The following OXNAD1 variants were observed in gnomAD, a reference collection of about 807,000 sequenced individuals.
OXNAD1 encodes oxidoreductase NAD-binding domain-containing protein 1.
A neutral mutation model predicts 32.9 loss-of-function variants in OXNAD1; 34 were observed. That is an observed-to-expected ratio of 1.03 (90% confidence interval 0.79 to 1.38). OXNAD1 has a LOEUF of 1.38. Ranked by LOEUF, OXNAD1 falls within the 40% of genes most tolerant of loss-of-function variation. The pLI is 0.00. For synonymous variants in OXNAD1, 134 were observed against 135.2 expected, an observed-to-expected ratio of 0.99 and a Z score of 0.06; for missense variants, 407 against 379.4, an observed-to-expected ratio of 1.07 and a Z score of -0.60.
chr3:16,283,367 C>G (rs1422418174), intron 4 of OXNAD1, among the ~76,000 whole-genome samples: 1 of 152,140 alleles, frequency 6.6e-6, no homozygotes, highest in Non-Finnish European at 1.5e-5. Context: ...TAGGGAGGGT[C>G]AAGCTAACCT....
chr3:16,293,124 C>G (rs1290949231), intron 5 of OXNAD1, among the ~76,000 whole-genome samples: 1 of 152,184 alleles, frequency 6.6e-6, no homozygotes, highest in East Asian at 1.9e-4. Context: ...GTATTGCCAT[C>G]TTAGCAATAT....
chr3:16,330,316 G>A (rs1277938199), intron 9 of OXNAD1, among the ~76,000 whole-genome samples: 2 of 152,182 alleles, frequency 1.3e-5, no homozygotes, highest in African/African-American at 4.8e-5. Flanking sequence ...GTGATTTTCC[G>A]TAAGCATCTA....
intron 9 of OXNAD1, among the ~76,000 whole-genome samples, chr3:16,333,570 A>G (rs1487889470): frequency 2.0e-5 from 3 of 152,220 alleles, no homozygotes; most frequent in Non-Finnish European, 1.5e-5. Context: ...ATAAAATGTT[A>G]TTATTTTAAT....
chr3:16,331,081 T>G (rs1210949455), intron 9 of OXNAD1, among the ~76,000 whole-genome samples: 3 of 152,236 alleles, frequency 2.0e-5, no homozygotes, highest in Non-Finnish European at 4.4e-5. Flanking sequence ...AGACCACTTC[T>G]GGGGTGTTCT....
intron 5 of OXNAD1, among the ~76,000 whole-genome samples, chr3:16,292,958 G>A (rs2066527688): frequency 6.6e-6 from 1 of 152,174 alleles, no homozygotes; most frequent in Non-Finnish European, 1.5e-5. Flanking sequence ...GGACCTGTGA[G>A]TCCTACAAAT....
At chr3:16,332,627 C>G (rs2070438616) in intron 9 of OXNAD1, among the ~76,000 whole-genome samples, 1 of 152,198 alleles carries the variant, frequency 6.6e-6, no homozygotes, top group East Asian at 1.9e-4. Flanking sequence ...AACCTCCCAT[C>G]CCATGGTGAT....
downstream of OXNAD1, among the ~76,000 whole-genome samples, chr3:16,309,956 A>AT (rs1196117165): frequency 6.6e-6 from 1 of 152,148 alleles, no homozygotes; most frequent in African/African-American, 2.4e-5. Context: ...GATTCTTGGG[A>AT]TGACTATTGT....
At chr3:16,275,347 A>T (rs1238436564) in intron 4 of OXNAD1, 1 of 152,512 alleles carries the variant, frequency 6.6e-6, no homozygotes, top group Non-Finnish European at 1.5e-5. Context: ...AAACAGGAGG[A>T]TCACTTGAGA....
At position 16,294,972 on chromosome 3, in the gene OXNAD1, C is replaced by T; in HGVS notation, c.407C>T (p.Pro136Leu). 4 of 1,612,750 alleles carry T rather than the reference C, an allele frequency of 2.5e-6. No individual in the cohort carries two copies. The highest frequency in any genetic ancestry group is 3.4e-6 in the Non-Finnish European group (4 of 1,179,362). Residue 136 changes from proline (P) to leucine (L), a missense_variant, in exon 6 of 9, where the codon CCT (proline) becomes CTT (leucine). Physicochemically the swap from Pro to Leu is moderately conservative, Grantham distance 98. Coordinates refer to ENST00000285083, the MANE Select transcript of OXNAD1 (RefSeq NM_138381.5). ...TTGGCAGTGAAATATACGAACCACC[C>T]TCCTGCCCTCTGGGTTCACAATACG... ...IELAVKYTNH[P>L]PALWVHNTCT...
In OXNAD1 at chr3:16,302,290, G is replaced by A. The variant is rs2067238026; in HGVS notation, c.676-350G>A. ...TTTGATGAAGAAAGCTTTCACTGGG[G>A]ATTGCTTTGCAGCTGCAGGAATGAA... On this transcript the variant is annotated intron_variant, in intron 7 of 8. Transcript: ENST00000285083. This position sits in a 1 kb window ranked among gnomAD's most constrained non-coding sequence, Gnocchi z 4.2. 6.6e-6 allele frequency among the ~76,000 whole-genome samples: 1 copy of A among 152,188 alleles called. No individual in the cohort carries two copies.
In OXNAD1 at chr3:16,287,272, T is replaced by G. The variant is rs1363953145; in HGVS notation, c.290+824T>G. Among the ~76,000 whole-genome samples the G allele has an allele frequency of 6.6e-6, 1 of 152,230 alleles. No homozygotes were observed. The highest frequency in any genetic ancestry group is 1.5e-5 in the Non-Finnish European group (1 of 68,032). On this transcript the variant is annotated intron_variant, in intron 5 of 8. Transcript: ENST00000285083. This position sits in a 1 kb window ranked among gnomAD's most constrained non-coding sequence, Gnocchi z 4.8. ...TAGTGTTTCTTAGGAGTCACTTGACTAATTTTGGCAGTCCATCTGGAAATG... is the reference window on the plus strand; with the variant it reads ...TAGTGTTTCTTAGGAGTCACTTGACGAATTTTGGCAGTCCATCTGGAAATG...
At chr3:16,332,652 C>A (rs1031772812) in intron 9 of OXNAD1, among the ~76,000 whole-genome samples, 1 of 152,150 alleles carries the variant, frequency 6.6e-6, no homozygotes, top group African/African-American at 2.4e-5. Context: ...GCTTTGAAAA[C>A]CAAAGCTTTT....
chr3:16,309,364 C>T (rs1418994350), downstream of OXNAD1, among the ~76,000 whole-genome samples: 2 of 152,204 alleles, frequency 1.3e-5, no homozygotes, highest in East Asian at 1.9e-4. Flanking sequence ...AATGCCTAAT[C>T]AGTTTATATT....
At position 16,320,598 on chromosome 3, in the gene OXNAD1, G is replaced by C. The variant is rs564553718; in HGVS notation, c.*31-16514G>C. On this transcript the variant is annotated intron_variant, in intron 9 of 9. Coordinates refer to the OXNAD1 transcript ENST00000435829. This position sits in a 1 kb window ranked among gnomAD's most constrained non-coding sequence, Gnocchi z 4.5. ...AAAAGCCCAAAGGAGAGCTCTGAAG[G>C]AGAAGAACGTGGTTCTTTTCCAGGG... 1.3e-5 allele frequency among the ~76,000 whole-genome samples: 2 copies of C among 152,364 alleles called. No individual in the cohort carries two copies. Among genetic ancestry groups the C allele is most frequent in the South Asian group, 4.1e-4 (2 of 4,828 alleles).
Position 16,284,806 on chromosome 3 carries a change from G to A in OXNAD1, c.184-1536G>A, listed in dbSNP as rs148403877. Among the ~76,000 whole-genome samples, 866 of 152,324 alleles carry A rather than the reference G, an allele frequency of 5.7e-3. 7 individuals are homozygous for A. Among genetic ancestry groups the A allele is most frequent in the African/African-American group, 0.02 (817 of 41,572 alleles). ...CACAGCTGGTAAGCGGTAGAGCCAG[G>A]ACTAAATACCAGGCAGTCCAGCTGC... On this transcript the variant is annotated intron_variant, in intron 4 of 8. Coordinates refer to ENST00000285083, the MANE Select transcript of OXNAD1 (RefSeq NM_138381.5). This position sits in a 1 kb window ranked among gnomAD's most constrained non-coding sequence, Gnocchi z 4.1.
intron 4 of OXNAD1, among the ~76,000 whole-genome samples, chr3:16,283,080 C>T (rs201879904): frequency 6.6e-6 from 1 of 152,068 alleles, no homozygotes; most frequent in East Asian, 1.9e-4. Context: ...GACAGTATAC[C>T]AGAAAGAGTC....
At chr3:16,318,254 T>C (rs2068652304) in intron 9 of OXNAD1, among the ~76,000 whole-genome samples, 1 of 152,032 alleles carries the variant, frequency 6.6e-6, no homozygotes, top group South Asian at 2.1e-4. Flanking sequence ...GGGTTTTAGT[T>C]TTCAGTTCCC....
rs1042490528 is a variant in OXNAD1, at chr3:16,297,633, A to G, written c.432+2636A>G. On this transcript the variant is annotated intron_variant, in intron 6 of 8. Coordinates refer to ENST00000285083, the MANE Select transcript of OXNAD1 (RefSeq NM_138381.5). This position sits in a 1 kb window ranked among gnomAD's most constrained non-coding sequence, Gnocchi z 4.3. ...AGCAGGTGAATGGATAACTTGTGATATAGTCATACAAGGGACTATTAAAGA... is the reference window on the plus strand; with the variant it reads ...AGCAGGTGAATGGATAACTTGTGATGTAGTCATACAAGGGACTATTAAAGA... Among the ~76,000 whole-genome samples, 2 of 152,234 alleles carry G rather than the reference A, an allele frequency of 1.3e-5. No homozygotes were observed. The highest frequency in any genetic ancestry group is 2.9e-5 in the Non-Finnish European group (2 of 68,038).
chr3:16,292,192 C>CTT (rs34684511), intron 5 of OXNAD1, among the ~76,000 whole-genome samples: 8 of 134,532 alleles, frequency 5.9e-5, no homozygotes, highest in South Asian at 4.7e-4. Context: ...GTCTTCTTAA[C>CTT]TTTTTTTTTT....
Sources: gnomAD v4.1 joint callset for allele counts (sites outside exome capture counted in the v4.1 genomes callset) on GRCh38, gnomAD v4.1.1 for gene constraint, Gnocchi (gnomAD v3.1) non-coding constraint, MANE v1.5 for transcripts, NCBI Gene and HGNC (gene_info 2026-07-23, HGNC 2026-07-21) for gene names.